KATNAL2: variants seen among roughly 807,000 people sequenced by gnomAD.
KATNAL2 encodes katanin catalytic subunit A1 like 2, also known as katanin p60 ATPase-containing subunit A-like 2.
A neutral mutation model predicts 76.3 loss-of-function variants in KATNAL2; 52 were observed. The ratio of observed to expected loss-of-function variants is 0.68; its 90% confidence interval spans 0.55 to 0.86. The LOEUF is 0.86. KATNAL2 is among the 40% of genes least tolerant of loss of function. KATNAL2 has a pLI of 0.00. For missense variants in KATNAL2, 660 were observed against 668.9 expected, an observed-to-expected ratio of 0.99 and a Z score of 0.15; for synonymous variants, 243 against 244.2, an observed-to-expected ratio of 1.00 and a Z score of 0.05.
At position 46,946,921 on chromosome 18, in the gene KATNAL2, G is replaced by A. The variant is rs2146666688; in HGVS notation, c.49G>A (p.Ala17Thr). The A allele has an allele frequency of 1.3e-6, 2 of 1,529,276 alleles. No individual in the cohort carries two copies. Among genetic ancestry groups the A allele is most frequent in the Non-Finnish European group, 1.8e-6 (2 of 1,140,630 alleles). The allele number at this position is 1,529,276 out of a possible 1,614,324, so 94.7% of individuals were successfully genotyped here. A position where few individuals can be genotyped will look rare whatever the true frequency, so the allele number is the denominator to read the frequency against. ...TLKFTHQARE[A>T]CEMRTEARRK... ...GAAATTCACGCATCAGGCGCGGGAA[G>A]CGGTAAGGAACGCATATATAAAACA... The change falls in exon 3 of 18, where the codon GCG (alanine) becomes ACG (threonine). Residue 17 changes from alanine (A) to threonine (T), a missense_variant and splice_region_variant. Transcript: ENST00000683218.
chr18:47,032,179 A>G (rs1172584037), intron 3 of KATNAL2, among the ~76,000 whole-genome samples: 1 of 152,216 alleles, frequency 6.6e-6, no homozygotes, highest in Non-Finnish European at 1.5e-5. Flanking sequence ...TAGGGAAACT[A>G]TTTTGGCTTA....
Position 47,046,050 on chromosome 18 carries a change from G to C in KATNAL2, c.52-407G>C, listed in dbSNP as rs17782503. ...GGGGCTCTGAGTGAACTACAGATAT[G>C]GTAGCAGGTAAGTGCCTGTGTTGTC... On this transcript the variant is annotated intron_variant, in intron 3 of 17. Transcript: ENST00000683218. Among the ~76,000 whole-genome samples the C allele has an allele frequency of 8.1e-3, 1,228 of 152,318 alleles. 18 individuals are homozygous for C. The highest frequency in any genetic ancestry group is 0.056 in the South Asian group (270 of 4,826).
At chr18:46,954,761 AG>A (rs1418717327) in intron 3 of KATNAL2, among the ~76,000 whole-genome samples, 22 of 152,068 alleles carry the variant, frequency 1.4e-4, no homozygotes, top group Non-Finnish European at 5.9e-5. Context: ...CTCCCACCTC[AG>A]CCTCCAGAGT....
chr18:47,073,339 A>T (rs2062072520), intron 13 of KATNAL2, among the ~76,000 whole-genome samples: 1 of 152,186 alleles, frequency 6.6e-6, no homozygotes, highest in Non-Finnish European at 1.5e-5. Flanking sequence ...TCCTTTTGTG[A>T]TGTGCATTTT....
chr18:47,053,080 C>T, intron 5 of KATNAL2, 34 bp downstream of exon 5: 2 of 1,509,894 alleles, frequency 1.3e-6, no homozygotes, highest in East Asian at 2.3e-5. Flanking sequence ...AAGGCTTTGT[C>T]TCATCTGTAA....
chr18:46,926,852 T>C (rs919748094), intron 1 of KATNAL2, among the ~76,000 whole-genome samples: 4 of 152,184 alleles, frequency 2.6e-5, no homozygotes, highest in Non-Finnish European at 5.9e-5. Context: ...GCCTTCTTTG[T>C]CTCTTTTGAT....
intron 13 of KATNAL2, among the ~76,000 whole-genome samples, chr18:47,074,639 C>T (rs550995620): frequency 1.3e-5 from 2 of 152,244 alleles, no homozygotes; most frequent in South Asian, 4.1e-4. Flanking sequence ...CGGTTGCTTT[C>T]CTGTTCTTGT....
intron 3 of KATNAL2, chr18:47,034,058 C>G: frequency 6.2e-7 from 1 of 1,613,964 alleles, no homozygotes; most frequent in East Asian, 2.2e-5. Flanking sequence ...GCAGTGGTGG[C>G]AGATTTTCCA....
intron 13 of KATNAL2, among the ~76,000 whole-genome samples, chr18:47,071,251 C>A (rs1057072868): frequency 6.6e-6 from 1 of 152,118 alleles, no homozygotes; most frequent in African/African-American, 2.4e-5. Flanking sequence ...CCTCCCGCCT[C>A]GGGCTCCCAA....
chr18:47,051,304 G>A (rs1383077360), intron 4 of KATNAL2, among the ~76,000 whole-genome samples: 2 of 152,022 alleles, frequency 1.3e-5, no homozygotes, highest in South Asian at 2.1e-4. Flanking sequence ...GGTGGTGCAC[G>A]CCTGTAGTCC....
At chr18:46,932,157 C>T (rs933145134) in intron 1 of KATNAL2, among the ~76,000 whole-genome samples, 23 of 152,038 alleles carry the variant, frequency 1.5e-4, no homozygotes, top group African/African-American at 3.4e-4. Context: ...GTGATCCGCC[C>T]GCCTTGGCCT....
chr18:47,054,203 G>T (rs1392269177), intron 5 of KATNAL2, among the ~76,000 whole-genome samples, 193 bp from the exon 6 acceptor site: 1 of 152,226 alleles, frequency 6.6e-6, no homozygotes, highest in East Asian at 1.9e-4. Flanking sequence ...AGATGCTGGA[G>T]AAGCTCAGGC....
chr18:47,100,035 G>C (rs1236020779), intron 16 of KATNAL2, among the ~76,000 whole-genome samples: 1 of 152,152 alleles, frequency 6.6e-6, no homozygotes, highest in Non-Finnish European at 1.5e-5. Context: ...TATTTCGATG[G>C]TGTTAGAAAG....
At chr18:46,951,222 T>C (rs185271865) in intron 3 of KATNAL2, among the ~76,000 whole-genome samples, 350 of 152,256 alleles carry the variant, frequency 2.3e-3, no homozygotes, top group Admixed American at 4.5e-3. Context: ...AGCTGAGCCA[T>C]ACAGTGCACT....
intron 3 of KATNAL2, among the ~76,000 whole-genome samples, chr18:46,949,983 C>T (rs1313198356): frequency 6.6e-6 from 1 of 152,128 alleles, no homozygotes; most frequent in African/African-American, 2.4e-5. Flanking sequence ...CCCTCCAAAT[C>T]TTGACAAGAC....
At chr18:47,100,545 A>G (rs543306327) in intron 17 of KATNAL2, among the ~76,000 whole-genome samples, 189 bp downstream of exon 17, 1 of 152,094 alleles carries the variant, frequency 6.6e-6, no homozygotes, top group Non-Finnish European at 1.5e-5. Flanking sequence ...CTTGCAGATG[A>G]TAAACTCCTT....
chr18:47,032,628 G>C (rs1281153315), intron 3 of KATNAL2: 2 of 310,012 alleles, frequency 6.5e-6, no homozygotes, highest in Non-Finnish European at 1.2e-5. Flanking sequence ...TGGCTTGTGT[G>C]TTTTTGTCTA....
At position 46,946,157 on chromosome 18, in the gene KATNAL2, T is replaced by C; in HGVS notation, c.-409T>C. 8 of 930,976 alleles carry C rather than the reference T, an allele frequency of 8.6e-6. No individual in the cohort carries two copies. The highest frequency in any genetic ancestry group is 1.0e-5 in the Non-Finnish European group (8 of 774,802). 57.7% of individuals were successfully genotyped at this position (930,976 alleles called of 1,614,324 possible). On this transcript the variant is annotated 5_prime_UTR_variant, in exon 2 of 18. Transcript: ENST00000683218. Reference sequence around the variant, plus strand: ...ATAATGATGAAGGGATAATTTGGAATAGGATTCACAGCAAGAGAGACAGAA... The same window carrying C: ...ATAATGATGAAGGGATAATTTGGAACAGGATTCACAGCAAGAGAGACAGAA...
rs1212511714 is a variant in KATNAL2 at position 46,931,135 on chromosome 18, AT to A, written c.-510+13210del. ...AATAATAATAATAATAATAATAATA[AT>A]AATAAATAAATAAATTAGCCAGGCG... is the stretch of plus-strand genomic sequence containing the variant. On this transcript the variant is annotated intron_variant, in intron 1 of 17. Transcript: ENST00000683218. Among the ~76,000 whole-genome samples the A allele has an allele frequency of 3.2e-3, 453 of 140,130 alleles. 6 individuals carry two copies. Among genetic ancestry groups the A allele is most frequent in the African/African-American group, 8.3e-3 (312 of 37,660 alleles). 91.9% of individuals were successfully genotyped at this position (140,130 alleles called of 152,430 possible).
Sources: allele counts gnomAD v4.1 joint callset (sites outside exome capture counted in the v4.1 genomes callset), GRCh38; gene constraint gnomAD v4.1.1; transcripts MANE v1.5; gene names NCBI Gene and HGNC (gene_info 2026-07-23, HGNC 2026-07-21).